TRPS1: variants seen among roughly 807,000 people sequenced by gnomAD.
TRPS1 encodes transcriptional repressor GATA binding 1.
Under a neutral mutation model 101.2 loss-of-function variants are expected in TRPS1, and 6 were observed. That is an observed-to-expected ratio of 0.06 (90% confidence interval 0.03 to 0.12). TRPS1 has a LOEUF of 0.12. TRPS1 is among the 10% of genes least tolerant of loss of function. The probability of loss-of-function intolerance (pLI) is 1.00; values close to 1 mark genes in which losing one functional copy is unlikely to be tolerated. For synonymous variants in TRPS1, 578 were observed against 589.8 expected, an observed-to-expected ratio of 0.98 and a Z score of 0.29; for missense variants, 1,363 against 1,567.0, an observed-to-expected ratio of 0.87 and a Z score of 2.20.
intron 3 of TRPS1, among the ~76,000 whole-genome samples, chr8:115,616,221 T>G (rs975942214): frequency 3.3e-5 from 5 of 152,216 alleles, no homozygotes; most frequent in African/African-American, 1.2e-4. Context: ...ACATTGTTAT[T>G]TGGCAGTATT....
intron 2 of TRPS1, among the ~76,000 whole-genome samples, chr8:115,622,979 G>A (rs527752311): frequency 1.6e-3 from 237 of 152,196 alleles, no homozygotes; most frequent in African/African-American, 5.5e-3. Context: ...AAAACAAAAA[G>A]AAGCTTTAGC....
chr8:115,433,281 GA>G (rs150663207), intron 5 of TRPS1, among the ~76,000 whole-genome samples: 2 of 150,726 alleles, frequency 1.3e-5, no homozygotes, highest in Non-Finnish European at 3.0e-5. Context: ...TTTTACTTTT[GA>G]AAAAAAACAT....
At chr8:115,494,292 C>T (rs1416202377) in intron 5 of TRPS1, among the ~76,000 whole-genome samples, 2 of 152,154 alleles carry the variant, frequency 1.3e-5, no homozygotes, top group Non-Finnish European at 2.9e-5. Context: ...TACTTTGTTT[C>T]GTGGGCCTCT....
At chr8:115,426,440 T>A (rs1336384898) in intron 5 of TRPS1, among the ~76,000 whole-genome samples, 1 of 152,028 alleles carries the variant, frequency 6.6e-6, no homozygotes, top group Non-Finnish European at 1.5e-5. Context: ...AATTAGAGAG[T>A]CAGATACAGT....
At chr8:115,594,712 C>G (rs1357481497) in intron 4 of TRPS1, among the ~76,000 whole-genome samples, 1 of 151,764 alleles carries the variant, frequency 6.6e-6, no homozygotes, top group Non-Finnish European at 1.5e-5. Context: ...AGTCTTTATT[C>G]ACAATAGTAG....
chr8:115,558,699 T>A (rs1816881322), intron 5 of TRPS1, among the ~76,000 whole-genome samples: 1 of 152,178 alleles, frequency 6.6e-6, no homozygotes, highest in Non-Finnish European at 1.5e-5. Flanking sequence ...ATTTTTCAAA[T>A]CCATAATTAC....
chr8:115,473,982 T>C (rs1563756479), intron 5 of TRPS1, among the ~76,000 whole-genome samples: 2 of 152,194 alleles, frequency 1.3e-5, no homozygotes, highest in Non-Finnish European at 2.9e-5. Flanking sequence ...AGTGAGACAA[T>C]GATGAAAAGC....
chr8:115,448,463 A>G (rs534021920), intron 5 of TRPS1, among the ~76,000 whole-genome samples: 1 of 152,292 alleles, frequency 6.6e-6, no homozygotes, highest in East Asian at 1.9e-4. Context: ...TGTCAGAACG[A>G]GTGCTGACAG....
chr8:115,505,213 G>A (rs1213077012), intron 5 of TRPS1, among the ~76,000 whole-genome samples: 1 of 152,100 alleles, frequency 6.6e-6, no homozygotes, highest in Admixed American at 6.5e-5. Context: ...GAAGTAGCTT[G>A]TGAAATATAA....
chr8:115,422,936 C>T (rs546262266), intron 5 of TRPS1, among the ~76,000 whole-genome samples: 2 of 152,220 alleles, frequency 1.3e-5, no homozygotes, highest in African/African-American at 2.4e-5. Flanking sequence ...AGTAGCTAGC[C>T]GATAACACCA....
At chr8:115,489,940 G>C (rs993793577) in intron 5 of TRPS1, among the ~76,000 whole-genome samples, 3 of 151,932 alleles carry the variant, frequency 2.0e-5, no homozygotes, top group African/African-American at 7.3e-5. Context: ...AAAATGTATT[G>C]TGTTGTTTGT....
At chr8:115,651,750 T>C (rs369521670) in intron 1 of TRPS1, among the ~76,000 whole-genome samples, 7 of 152,192 alleles carry the variant, frequency 4.6e-5, no homozygotes, top group African/African-American at 7.2e-5. Flanking sequence ...GAGGAACAGA[T>C]AGAATCCCTG....
At chr8:115,614,434 A>G (rs908460215) in intron 3 of TRPS1, among the ~76,000 whole-genome samples, 2 of 152,362 alleles carry the variant, frequency 1.3e-5, no homozygotes, top group Middle Eastern at 3.4e-3. Flanking sequence ...ATGCAGGTAA[A>G]GGGATTAGTA....
At position 115,649,358 on chromosome 8, in the gene TRPS1, G is replaced by A. The variant is rs576762633; in HGVS notation, c.-122+19187C>T. ...CACCCACCAGATAAGAAACAAAGTA[G>A]AGGGAGCCTCAGCTCTTAGGGCCAG... On this transcript the variant is annotated intron_variant, in intron 1 of 6. Coordinates refer to ENST00000395715, the MANE Select transcript of TRPS1 (RefSeq NM_014112.5). 7.2e-5 allele frequency among the ~76,000 whole-genome samples: 11 copies of A among 152,288 alleles called. No homozygotes were observed. In the South Asian group the frequency reaches 2.3e-3, roughly 32 times the overall value.
chr8:115,456,325 G>A (rs954820965), intron 5 of TRPS1, among the ~76,000 whole-genome samples: 1 of 152,028 alleles, frequency 6.6e-6, no homozygotes, highest in African/African-American at 2.4e-5. Flanking sequence ...TTCTCTGGGT[G>A]TTCCCTACTG....
Position 115,657,761 on chromosome 8 carries a change from A to G in TRPS1, c.-122+10784T>C, listed in dbSNP as rs548447931. ...AGTTGGTGCTTATAATTGTTTCAAA[A>G]TTATACAACTTTATTTAATTCCATG... On this transcript the variant is annotated intron_variant, in intron 1 of 6. Coordinates refer to ENST00000395715, the MANE Select transcript of TRPS1 (RefSeq NM_014112.5). 5.3e-4 allele frequency among the ~76,000 whole-genome samples: 80 copies of G among 152,284 alleles called. No homozygotes were observed. In the Middle Eastern group the frequency reaches 0.014, roughly 26 times the overall value.
chr8:115,517,815 T>G (rs1815753900), intron 5 of TRPS1, among the ~76,000 whole-genome samples: 1 of 151,790 alleles, frequency 6.6e-6, no homozygotes, highest in African/African-American at 2.4e-5. Flanking sequence ...GGCTCTGTGC[T>G]CTTGATCATG....
intron 5 of TRPS1, among the ~76,000 whole-genome samples, chr8:115,568,456 C>T (rs1395043729): frequency 6.6e-6 from 1 of 151,916 alleles, no homozygotes; most frequent in African/African-American, 2.4e-5. Context: ...TTTCTAATTT[C>T]CCCAAAGTTA....
chr8:115,481,695 T>C (rs1182217860), intron 5 of TRPS1, among the ~76,000 whole-genome samples: 1 of 152,216 alleles, frequency 6.6e-6, no homozygotes, highest in Non-Finnish European at 1.5e-5. Flanking sequence ...TGACTATGTT[T>C]AGAACTGCTT....
Sources: allele counts gnomAD v4.1 joint callset (sites outside exome capture counted in the v4.1 genomes callset), GRCh38; gene constraint gnomAD v4.1.1; transcripts MANE v1.5; gene names NCBI Gene and HGNC (gene_info 2026-07-23, HGNC 2026-07-21).